Variants in CLSTN2 observed in about 807,000 individuals in gnomAD.
CLSTN2 encodes the protein calsyntenin-2.
Under a neutral mutation model 101.2 loss-of-function variants are expected in CLSTN2, and 48 were observed. The observed-to-expected ratio is 0.47, with a 90% CI of 0.38 to 0.60. CLSTN2 has a LOEUF of 0.60. CLSTN2 is among the 20% of genes least tolerant of loss of function. The probability of loss-of-function intolerance (pLI) is 0.00; values close to 1 mark genes in which losing one functional copy is unlikely to be tolerated. For missense variants in CLSTN2, 1,160 were observed against 1,238.2 expected, an observed-to-expected ratio of 0.94 and a Z score of 0.95; for synonymous variants, 481 against 463.6, an observed-to-expected ratio of 1.04 and a Z score of -0.48.
chr3:140,074,289 C>G (rs2008445783), intron 1 of CLSTN2, among the ~76,000 whole-genome samples: 2 of 152,090 alleles, frequency 1.3e-5, no homozygotes, highest in South Asian at 4.1e-4. Context: ...CTCACCTTGC[C>G]TCCCCCCACC....
At chr3:140,409,412 C>T (rs937390255) in intron 4 of CLSTN2, among the ~76,000 whole-genome samples, 6 of 152,180 alleles carry the variant, frequency 3.9e-5, no homozygotes, top group Non-Finnish European at 2.9e-5. Context: ...GCAAATGTTA[C>T]AGACCCCAGC....
Position 140,404,695 on chromosome 3 carries a change from C to T in CLSTN2, c.566C>T (p.Ser189Phe), listed in dbSNP as rs1480408352. ...GTGGAGGCCATTGACGAGGACTGCT[C>T]CCCACAGTACAGCCAGATCTGCAAC... ...LQVEAIDEDC[S>F]PQYSQICNYE... Residue 189 changes from serine to phenylalanine, a missense_variant, in exon 4 of 17, where the codon TCC becomes TTC. Ser to Phe is a radical substitution (Grantham distance 155). Transcript: ENST00000458420. 2 of 1,614,174 alleles carry T rather than the reference C, an allele frequency of 1.2e-6. No individual in the cohort carries two copies. The highest frequency in any genetic ancestry group is 8.5e-7 in the Non-Finnish European group (1 of 1,180,006).
At chr3:140,201,539 A>G (rs1282001386) in intron 2 of CLSTN2, among the ~76,000 whole-genome samples, 1 of 152,184 alleles carries the variant, frequency 6.6e-6, no homozygotes, top group Non-Finnish European at 1.5e-5. Context: ...ATGGGGAATC[A>G]AAGTGTCATA....
At chr3:140,226,517 A>C (rs912946207) in intron 2 of CLSTN2, among the ~76,000 whole-genome samples, 16 of 152,218 alleles carry the variant, frequency 1.1e-4, no homozygotes, top group Admixed American at 2.0e-4. Context: ...ATATGGGATA[A>C]AGTGGTATAT....
chr3:140,175,149 A>G (rs528235942), intron 1 of CLSTN2, among the ~76,000 whole-genome samples: 1 of 152,312 alleles, frequency 6.6e-6, no homozygotes, highest in East Asian at 1.9e-4. Flanking sequence ...ACCTCTGTAA[A>G]GATTCTATCT....
chr3:140,329,343 G>A lies in CLSTN2; in HGVS notation c.233-74286G>A, dbSNP rs189785923. 3.3e-5 allele frequency among the ~76,000 whole-genome samples: 5 copies of A among 152,324 alleles called. No homozygotes were observed. The East Asian group carries it at 7.7e-4, about 24-fold the overall frequency. On this transcript the variant is annotated intron_variant, in intron 2 of 16. Coordinates refer to ENST00000458420, the MANE Select transcript of CLSTN2 (RefSeq NM_022131.3). ...GGAGGTTGCAGTGAGGCAAGATCAC[G>A]CCACTGCGCTCCATCCTGGGTGACA...
intron 8 of CLSTN2, among the ~76,000 whole-genome samples, chr3:140,526,039 C>A (rs1253853525): frequency 2.0e-5 from 3 of 152,104 alleles, no homozygotes; most frequent in Non-Finnish European, 4.4e-5. Context: ...CCTATTCTCA[C>A]CACACCTATT....
intron 1 of CLSTN2, among the ~76,000 whole-genome samples, chr3:140,061,133 C>G (rs2008197191): frequency 6.6e-6 from 1 of 152,178 alleles, no homozygotes; most frequent in Non-Finnish European, 1.5e-5. Flanking sequence ...TTTCTCAATT[C>G]ACATGGAAAT....
chr3:140,400,247 C>T (rs1454760657), intron 2 of CLSTN2, among the ~76,000 whole-genome samples: 2 of 152,166 alleles, frequency 1.3e-5, no homozygotes, highest in Non-Finnish European at 2.9e-5. Flanking sequence ...CCACTGAAAT[C>T]CCACATGTTG....
At chr3:140,221,612 T>C (rs2086273887) in intron 2 of CLSTN2, among the ~76,000 whole-genome samples, 1 of 152,118 alleles carries the variant, frequency 6.6e-6, no homozygotes, top group Non-Finnish European at 1.5e-5. Context: ...CCAGAATATA[T>C]AAGGAGCTCA....
intron 1 of CLSTN2, among the ~76,000 whole-genome samples, chr3:140,135,141 T>C (rs1262967659): frequency 1.5e-4 from 21 of 136,346 alleles, no homozygotes; most frequent in East Asian, 8.4e-4. Context: ...TATATATATA[T>C]ATATATATAT....
At chr3:139,944,614 C>A (rs1935187256) in intron 1 of CLSTN2, among the ~76,000 whole-genome samples, 1 of 152,244 alleles carries the variant, frequency 6.6e-6, no homozygotes, top group Admixed American at 6.5e-5. Context: ...AAGTGCCCTG[C>A]TCACCTCTGT....
chr3:140,427,184 AATATAT>A lies in CLSTN2; in HGVS notation c.787+5925_787+5930del, dbSNP rs1177459069. Among the ~76,000 whole-genome samples, 158 of 94,058 alleles carry A rather than the reference AATATAT, an allele frequency of 1.7e-3. 1 individual carries two copies. Among genetic ancestry groups the A allele is most frequent in the African/African-American group, 0.012 (147 of 12,300 alleles). The allele number at this position is 94,058 out of a possible 152,430, so 61.7% of individuals were successfully genotyped here. A position where few individuals can be genotyped will look rare whatever the true frequency, so the allele number is the denominator to read the frequency against. On this transcript the variant is annotated intron_variant, in intron 5 of 16. Transcript: ENST00000458420. ...GAGTGAGACTGTCTCAAAAAAAAAA[AATATAT>A]ATATATATATATATGTGTATATATA...
intron 8 of CLSTN2, among the ~76,000 whole-genome samples, chr3:140,521,048 A>ATTTTTTTTTTTT (rs57840726): frequency 8.0e-6 from 1 of 125,492 alleles, no homozygotes; most frequent in Non-Finnish European, 1.7e-5. Flanking sequence ...GCTTTTTTGC[A>ATTTTTTTTTTTT]TTTTTTTTTT....
rs1165148488 is a variant in CLSTN2 at position 140,546,381 on chromosome 3, A to G, written c.1508-134A>G. 3.6e-6 allele frequency: 3 copies of G among 824,070 alleles called. No individual in the cohort carries two copies. In the African/African-American group the frequency reaches 5.1e-5, roughly 14 times the overall value. 51.0% of individuals were successfully genotyped at this position (824,070 alleles called of 1,614,324 possible). A position where few individuals can be genotyped will look rare whatever the true frequency, so the allele number is the denominator to read the frequency against. ...TACTGAGATTCTGGCTACTGTGTTC[A>G]TCACTCAGAAGGAAAAGCTCAGGTT... On this transcript the variant is annotated intron_variant, in intron 9 of 16. Coordinates refer to ENST00000458420, the MANE Select transcript of CLSTN2 (RefSeq NM_022131.3).
At chr3:140,269,562 C>T (rs1489225620) in intron 2 of CLSTN2, among the ~76,000 whole-genome samples, 1 of 152,158 alleles carries the variant, frequency 6.6e-6, no homozygotes, top group East Asian at 1.9e-4. Context: ...GAGGGCCAAG[C>T]CTGTGGCACA....
intron 1 of CLSTN2, among the ~76,000 whole-genome samples, chr3:139,986,473 A>G (rs1274736095): frequency 1.3e-5 from 2 of 152,146 alleles, no homozygotes; most frequent in African/African-American, 4.8e-5. Context: ...GTGACCCTGC[A>G]GGGCCTGGAA....
intron 2 of CLSTN2, among the ~76,000 whole-genome samples, chr3:140,219,017 G>T (rs1232301638): frequency 1.3e-5 from 2 of 152,074 alleles, no homozygotes; most frequent in Non-Finnish European, 2.9e-5. Context: ...GTTTTGTTTT[G>T]TTTTTAATAA....
chr3:140,290,374 A>G (rs1351036242), intron 2 of CLSTN2, among the ~76,000 whole-genome samples: 1 of 152,144 alleles, frequency 6.6e-6, no homozygotes, highest in Non-Finnish European at 1.5e-5. Flanking sequence ...TGGGGCATTA[A>G]CATAGTAGGA....
Sources: gnomAD v4.1 joint callset for allele counts (sites outside exome capture counted in the v4.1 genomes callset) on GRCh38, gnomAD v4.1.1 for gene constraint, MANE v1.5 for transcripts, NCBI Gene and HGNC (gene_info 2026-07-23, HGNC 2026-07-21) for gene names.